Variants in PXYLP1 observed in about 807,000 individuals in gnomAD.
PXYLP1 encodes acid phosphatase-like 2.
PXYLP1 carries 17 observed loss-of-function variants against 37.9 expected under a neutral mutation model. The ratio of observed to expected loss-of-function variants is 0.45; its 90% confidence interval spans 0.31 to 0.67. The LOEUF (loss-of-function observed/expected upper bound fraction) is 0.67. Among genes scored for constraint, PXYLP1 ranks in the 30% least tolerant of loss-of-function variants. The pLI, the probability that PXYLP1 is intolerant of heterozygous loss-of-function variation, is 0.07. For missense variants in PXYLP1, 511 were observed against 612.0 expected, an observed-to-expected ratio of 0.84 and a Z score of 1.74; for synonymous variants, 221 against 232.2, an observed-to-expected ratio of 0.95 and a Z score of 0.44.
At chr3:141,272,716 G>A (rs1941694823) in intron 2 of PXYLP1, 1 of 133,582 alleles carries the variant, frequency 7.5e-6, no homozygotes, top group Admixed American at 7.6e-5. Flanking sequence ...GATGTTCAAG[G>A]GCAGGGCGCA....
intron 2 of PXYLP1, chr3:141,272,525 T>C (rs1941688144): frequency 7.5e-6 from 1 of 133,868 alleles, no homozygotes; most frequent in Admixed American, 7.5e-5. Context: ...AAAGCTGTTA[T>C]TGACCACTCC....
chr3:141,249,740 AAAT>A (rs1358275202), intron 1 of PXYLP1, among the ~76,000 whole-genome samples: 1 of 152,166 alleles, frequency 6.6e-6, no homozygotes, highest in Non-Finnish European at 1.5e-5. Context: ...CGACATTCTA[AAAT>A]AATAATGCCA....
chr3:141,243,670 G>C lies in PXYLP1; in HGVS notation c.-54+11759G>C, dbSNP rs116357375. On this transcript the variant is annotated intron_variant, in intron 1 of 5. Coordinates refer to ENST00000286353, the MANE Select transcript of PXYLP1 (RefSeq NM_001037172.3). ...GCCTGTAGCCTTTGTCTGTCTGTAC[G>C]GTGCATTTCCTAAGGATGTTCTTGG... 7.6e-3 allele frequency among the ~76,000 whole-genome samples: 1,151 copies of C among 152,304 alleles called. 15 individuals carry two copies. The highest frequency in any genetic ancestry group is 0.026 in the African/African-American group (1,077 of 41,578).
At chr3:141,260,614 C>T (rs1172193128) in intron 2 of PXYLP1, among the ~76,000 whole-genome samples, 1 of 152,170 alleles carries the variant, frequency 6.6e-6, no homozygotes, top group African/African-American at 2.4e-5. Flanking sequence ...GTTTAGCCTT[C>T]AGTCAGCCGC....
At chr3:141,277,713 G>T (rs1265028758) in intron 2 of PXYLP1, among the ~76,000 whole-genome samples, 1 of 152,196 alleles carries the variant, frequency 6.6e-6, no homozygotes, top group Non-Finnish European at 1.5e-5. Context: ...TGGAATGAGG[G>T]TAGTAGATGG....
intron 2 of PXYLP1, among the ~76,000 whole-genome samples, chr3:141,270,833 G>A (rs1433162366): frequency 6.6e-6 from 1 of 152,190 alleles, no homozygotes; most frequent in Non-Finnish European, 1.5e-5. Context: ...CGCCTTTTAA[G>A]AGCCTGCAGG....
rs112195552 is a variant in PXYLP1, at chr3:141,273,162, A to C, written c.80-5180A>C. The C allele has an allele frequency of 1.8e-3, 1,818 of 985,290 alleles. 30 individuals carry two copies. The African/African-American group carries it at 0.029, about 16-fold the overall frequency. 61.0% of individuals were successfully genotyped at this position (985,290 alleles called of 1,614,324 possible). On this transcript the variant is annotated intron_variant, in intron 2 of 5. Coordinates refer to ENST00000286353, the MANE Select transcript of PXYLP1 (RefSeq NM_001037172.3). Reference sequence around the variant, plus strand: ...ATTTAATGTCTGACTGTCCCCCGCAACTGGATTGTAAACCCCGTGAGGGCA... The same window carrying C: ...ATTTAATGTCTGACTGTCCCCCGCACCTGGATTGTAAACCCCGTGAGGGCA...
chr3:141,259,469 A>G (rs527639280), intron 1 of PXYLP1, among the ~76,000 whole-genome samples: 11 of 151,734 alleles, frequency 7.2e-5, no homozygotes, highest in East Asian at 3.9e-4. Flanking sequence ...CACACTTCCA[A>G]TGTGGTTAGG....
intron 1 of PXYLP1, among the ~76,000 whole-genome samples, chr3:141,256,838 A>G (rs1941274909): frequency 6.6e-6 from 1 of 152,208 alleles, no homozygotes; most frequent in African/African-American, 2.4e-5. Context: ...GCTAGAGGCT[A>G]TCAGAGGAGA....
chr3:141,279,047 C>T (rs1373946849), intron 3 of PXYLP1, among the ~76,000 whole-genome samples: 1 of 152,236 alleles, frequency 6.6e-6, no homozygotes, highest in African/African-American at 2.4e-5. Context: ...TCTAGTATTT[C>T]CGTGGCTCTC....
intron 1 of PXYLP1, among the ~76,000 whole-genome samples, chr3:141,246,522 G>T (rs1044214610): frequency 6.6e-6 from 1 of 152,216 alleles, no homozygotes; most frequent in Non-Finnish European, 1.5e-5. Context: ...AGTCAACAAG[G>T]TGAGAAAGTG....
chr3:141,273,383 A>G (rs893282041), intron 2 of PXYLP1: 2 of 985,272 alleles, frequency 2.0e-6, no homozygotes, highest in African/African-American at 3.5e-5. Flanking sequence ...TACTCTTCCT[A>G]GGTTGAGATC....
chr3:141,254,858 T>A (rs564200201), intron 1 of PXYLP1, among the ~76,000 whole-genome samples: 1 of 152,320 alleles, frequency 6.6e-6, no homozygotes, highest in South Asian at 2.1e-4. Context: ...AAATGAAAGG[T>A]AATTGTACAT....
intron 2 of PXYLP1, chr3:141,262,515 T>C (rs1559886792): frequency 1.2e-6 from 1 of 800,360 alleles, no homozygotes; most frequent in Non-Finnish European, 1.8e-6. Context: ...TGAGCTGGTT[T>C]CCACGTCACT....
At chr3:141,257,171 A>G (rs1941281357) in intron 1 of PXYLP1, among the ~76,000 whole-genome samples, 1 of 152,176 alleles carries the variant, frequency 6.6e-6, no homozygotes, top group Non-Finnish European at 1.5e-5. Context: ...GGCATTTCCC[A>G]TTTATTGTAT....
intron 1 of PXYLP1, among the ~76,000 whole-genome samples, chr3:141,243,317 A>G (rs1284131284): frequency 6.6e-6 from 1 of 152,194 alleles, no homozygotes; most frequent in Non-Finnish European, 1.5e-5. Flanking sequence ...GGCTGTATCT[A>G]TCAGCAGCTT....
At chr3:141,251,043 C>T (rs1008944413) in intron 1 of PXYLP1, among the ~76,000 whole-genome samples, 1 of 152,202 alleles carries the variant, frequency 6.6e-6, no homozygotes, top group Non-Finnish European at 1.5e-5. Flanking sequence ...AGCTCATGAA[C>T]GCCTGTGCAC....
At chr3:141,250,513 A>G (rs1303413680) in intron 1 of PXYLP1, among the ~76,000 whole-genome samples, 1 of 152,174 alleles carries the variant, frequency 6.6e-6, no homozygotes, top group Non-Finnish European at 1.5e-5. Flanking sequence ...CAGTCGTTGT[A>G]TCCATTCCCA....
At chr3:141,259,352 C>T (rs114374542) in intron 1 of PXYLP1, among the ~76,000 whole-genome samples, 1,564 of 151,352 alleles carry the variant, frequency 0.01, 7 homozygotes, top group Non-Finnish European at 0.017. Context: ...ATAAACTTGA[C>T]TTCTAAAACT....
Sources: gnomAD v4.1 joint callset for allele counts (sites outside exome capture counted in the v4.1 genomes callset) on GRCh38, gnomAD v4.1.1 for gene constraint, MANE v1.5 for transcripts, NCBI Gene and HGNC (gene_info 2026-07-23, HGNC 2026-07-21) for gene names.